STIMATE: variants seen among roughly 807,000 people sequenced by gnomAD.
The protein encoded by STIMATE is STIM activating enhancer.
STIMATE carries 15 observed loss-of-function variants against 36.7 expected under a neutral mutation model. The observed-to-expected ratio is 0.41, with a 90% CI of 0.27 to 0.63. STIMATE has a LOEUF of 0.63. Among genes scored for constraint, STIMATE ranks in the 20% least tolerant of loss-of-function variants. The pLI, the probability that STIMATE is intolerant of heterozygous loss-of-function variation, is 0.32. For synonymous variants in STIMATE, 163 were observed against 162.3 expected (o/e 1.00, Z -0.03); for missense variants, 305 against 397.3 (o/e 0.77, Z 1.98).
At chr3:52,864,689 C>G (rs548972602) in intron 1 of STIMATE, among the ~76,000 whole-genome samples, 2 of 152,308 alleles carry the variant, frequency 1.3e-5, no homozygotes, top group South Asian at 4.1e-4. Context: ...TTTAACAGCA[C>G]CCAAGTCACC....
intron 1 of STIMATE, among the ~76,000 whole-genome samples, chr3:52,863,822 A>C (rs373094946): frequency 1.3e-5 from 2 of 152,318 alleles, no homozygotes; most frequent in East Asian, 3.9e-4. Flanking sequence ...GCAAGTCCGA[A>C]ATCCAGCTGG....
intron 1 of STIMATE, among the ~76,000 whole-genome samples, chr3:52,871,877 C>T (rs1019891844): frequency 2.6e-5 from 4 of 152,140 alleles, no homozygotes; most frequent in Non-Finnish European, 4.4e-5. Context: ...ATAGAAGAAA[C>T]GGCAGGCTCC....
chr3:52,853,200 G>A (rs199825162), intron 2 of STIMATE, among the ~76,000 whole-genome samples: 1 of 152,162 alleles, frequency 6.6e-6, no homozygotes, highest in Non-Finnish European at 1.5e-5. Flanking sequence ...GGTTTTGTGC[G>A]CCATATGATC....
At chr3:52,854,911 T>C (rs1344033349) in intron 2 of STIMATE, among the ~76,000 whole-genome samples, 1 of 152,226 alleles carries the variant, frequency 6.6e-6, no homozygotes, top group Non-Finnish European at 1.5e-5. Context: ...AAAACCCTCA[T>C]ATATTTGGTG....
chr3:52,887,266 G>A (rs1043835053), intron 1 of STIMATE, among the ~76,000 whole-genome samples: 5 of 152,206 alleles, frequency 3.3e-5, no homozygotes, highest in Admixed American at 6.5e-5. Context: ...AATAATCCCA[G>A]CCTCCTTCCA....
intron 4 of STIMATE, among the ~76,000 whole-genome samples, chr3:52,848,859 C>T (rs1239486046): frequency 6.6e-6 from 1 of 152,216 alleles, no homozygotes; most frequent in Non-Finnish European, 1.5e-5. Context: ...AGTGACTCAT[C>T]AGGCATCAAG....
chr3:52,897,455 G>T lies in STIMATE; in HGVS notation c.-5C>A. 7.6e-7 allele frequency: 1 copy of T among 1,317,298 alleles called. No homozygotes were observed. The highest frequency in any genetic ancestry group is 9.6e-7 in the Non-Finnish European group (1 of 1,037,828). The allele number at this position is 1,317,298 out of a possible 1,614,324, so 81.6% of individuals were successfully genotyped here. A position where few individuals can be genotyped will look rare whatever the true frequency, so the allele number is the denominator to read the frequency against. ...GTTCCCGGCGGGGCCCTGCATGACA[G>T]GCCTCGCGGGAGGGGCGCGAGGGCC... On this transcript the variant is annotated 5_prime_UTR_variant, in exon 1 of 8. It adds an upstream start codon to the 5' untranslated region. Coordinates refer to ENST00000355083, the MANE Select transcript of STIMATE (RefSeq NM_198563.5).
intron 1 of STIMATE, among the ~76,000 whole-genome samples, chr3:52,879,726 T>A (rs993522940): frequency 3.9e-5 from 6 of 152,210 alleles, no homozygotes; most frequent in African/African-American, 1.4e-4. Context: ...TCACATGGCA[T>A]GGAAGTCATA....
chr3:52,849,318 A>G (rs987941331), intron 4 of STIMATE, among the ~76,000 whole-genome samples: 1 of 152,224 alleles, frequency 6.6e-6, no homozygotes, highest in Non-Finnish European at 1.5e-5. Context: ...GCCGTGTGGA[A>G]TGGCCTAGCA....
At chr3:52,843,496 C>T (rs553986615) in intron 6 of STIMATE, among the ~76,000 whole-genome samples, 5 of 152,300 alleles carry the variant, frequency 3.3e-5, no homozygotes, top group Middle Eastern at 6.8e-3. Context: ...GAGGACAAGA[C>T]AAAGCTCCCA....
chr3:52,867,301 T>C (rs1282032895), intron 1 of STIMATE, among the ~76,000 whole-genome samples: 1 of 152,194 alleles, frequency 6.6e-6, no homozygotes, highest in African/African-American at 2.4e-5. Context: ...AGCTTATGAC[T>C]TTCCAAAAGT....
At chr3:52,840,741 C>T in intron 7 of STIMATE, 131 bp from the exon 8 acceptor site, 1 of 854,052 alleles carries the variant, frequency 1.2e-6, no homozygotes, top group South Asian at 1.9e-5. Context: ...ACCCTGTCAC[C>T]CAGGCTAGAG....
chr3:52,869,097 A>G (rs1442326454), intron 1 of STIMATE, among the ~76,000 whole-genome samples: 1 of 152,142 alleles, frequency 6.6e-6, no homozygotes, highest in African/African-American at 2.4e-5. Flanking sequence ...TGAGGGGAAT[A>G]CAAAACTGAC....
intron 1 of STIMATE, among the ~76,000 whole-genome samples, chr3:52,894,629 A>G (rs1356526316): frequency 6.6e-6 from 1 of 152,256 alleles, no homozygotes; most frequent in Admixed American, 6.5e-5. Context: ...AAAAAGGAAC[A>G]TAAAGACAGT....
At chr3:52,840,947 C>A (rs1700787364) in intron 7 of STIMATE, among the ~76,000 whole-genome samples, 1 of 152,188 alleles carries the variant, frequency 6.6e-6, no homozygotes, top group Non-Finnish European at 1.5e-5. Flanking sequence ...CTCAAGTAAT[C>A]CACCTGCTTC....
At chr3:52,843,114 T>C (rs1027912911) in intron 6 of STIMATE, 154 bp from the exon 7 acceptor site, 1 of 1,338,162 alleles carries the variant, frequency 7.5e-7, no homozygotes, top group East Asian at 2.5e-5. Context: ...TCCCAAAGCT[T>C]AGAAAGAGAT....
chr3:52,894,798 G>C (rs1441213007), intron 1 of STIMATE, among the ~76,000 whole-genome samples: 12 of 152,226 alleles, frequency 7.9e-5, no homozygotes, highest in Admixed American at 7.2e-4. Flanking sequence ...GACAGGCAGT[G>C]AGCCCATTGC....
At chr3:52,895,978 G>C in intron 1 of STIMATE, 2 of 1,287,424 alleles carry the variant, frequency 1.6e-6, no homozygotes, top group Non-Finnish European at 2.0e-6. Flanking sequence ...GTGGGTATTT[G>C]TTTAGCAGAG....
intron 1 of STIMATE, among the ~76,000 whole-genome samples, chr3:52,856,133 T>C (rs1482813672): frequency 2.0e-5 from 3 of 152,166 alleles, no homozygotes; most frequent in Non-Finnish European, 4.4e-5. Flanking sequence ...CTGGGAAATA[T>C]CACAAGCCAA....
Sources: gnomAD v4.1 joint callset for allele counts (sites outside exome capture counted in the v4.1 genomes callset) on GRCh38, gnomAD v4.1.1 for gene constraint, MANE v1.5 for transcripts, NCBI Gene and HGNC (gene_info 2026-07-23, HGNC 2026-07-21) for gene names.